The following ITGA2 variants were observed in gnomAD, a reference collection of about 807,000 sequenced individuals.
ITGA2 encodes integrin subunit alpha 2.
Under a neutral mutation model 146.3 loss-of-function variants are expected in ITGA2, and 101 were observed. The observed-to-expected ratio is 0.69, with a 90% CI of 0.59 to 0.81. ITGA2 has a LOEUF of 0.81. Among genes scored for constraint, ITGA2 ranks in the 40% least tolerant of loss-of-function variants. ITGA2 has a pLI of 0.00. For synonymous variants in ITGA2, 477 were observed against 487.1 expected, an observed-to-expected ratio of 0.98 and a Z score of 0.27; for missense variants, 1,281 against 1,402.7, an observed-to-expected ratio of 0.91 and a Z score of 1.39.
At chr5:52,998,114 G>A (rs1404012153) in intron 1 of ITGA2, among the ~76,000 whole-genome samples, 1 of 152,002 alleles carries the variant, frequency 6.6e-6, no homozygotes, top group South Asian at 2.1e-4. Context: ...TAATATATTA[G>A]TGTCATTTTA....
At chr5:53,074,136 G>GA (rs995312148) in intron 20 of ITGA2, among the ~76,000 whole-genome samples, 2 of 151,682 alleles carry the variant, frequency 1.3e-5, no homozygotes, top group South Asian at 2.1e-4. Flanking sequence ...TTTTTCTGGG[G>GA]AAAAAATACA....
chr5:53,062,647 T>G (rs1333586216), intron 12 of ITGA2, 139 bp from the exon 13 acceptor site: 37 of 849,176 alleles, frequency 4.4e-5, no homozygotes, highest in Non-Finnish European at 6.6e-5. Context: ...AACTGTGCTC[T>G]CTGTCTTCAT....
At chr5:53,056,192 T>G in intron 9 of ITGA2, 43 bp downstream of exon 9, 1 of 1,556,810 alleles carries the variant, frequency 6.4e-7, no homozygotes, top group Non-Finnish European at 8.8e-7. Flanking sequence ...TTCAAAATGT[T>G]TAAATAATTG....
At chr5:53,002,207 A>T (rs1741618204) in intron 1 of ITGA2, among the ~76,000 whole-genome samples, 1 of 152,070 alleles carries the variant, frequency 6.6e-6, no homozygotes, top group South Asian at 2.1e-4. Context: ...AACATTTTTG[A>T]CCAATAAATT....
Position 53,055,614 on chromosome 5 carries a change from T to C in ITGA2, c.856T>C (p.Ser286Pro). The C allele has an allele frequency of 1.9e-6, 3 of 1,613,258 alleles. No individual in the cohort carries two copies. Among genetic ancestry groups the C allele is most frequent in the Non-Finnish European group, 2.5e-6 (3 of 1,179,366 alleles). The change falls in exon 8 of 30, where the codon TCA becomes CCA. Residue 286 changes from serine to proline, a missense_variant. Ser to Pro is a moderately conservative substitution (Grantham distance 74). Transcript: ENST00000296585. ...AATGGTAGTTGTAACTGACGGTGAA[T>C]CACATGATGGTTCAATGTTGAAAGC... ...KVMVVVTDGE[S>P]HDGSMLKAVI...
At chr5:53,023,603 C>A (rs1419477641) in intron 1 of ITGA2, among the ~76,000 whole-genome samples, 1 of 152,028 alleles carries the variant, frequency 6.6e-6, no homozygotes, top group Non-Finnish European at 1.5e-5. Context: ...ACGCCTGGTA[C>A]AAAGGAGCTG....
At chr5:53,062,330 A>G (rs576143877) in intron 12 of ITGA2, among the ~76,000 whole-genome samples, 2 of 151,872 alleles carry the variant, frequency 1.3e-5, no homozygotes, top group South Asian at 2.1e-4. Flanking sequence ...CTCTATTACA[A>G]TTTATTTTAC....
At chr5:53,056,346 A>C (rs778810055) in intron 9 of ITGA2, among the ~76,000 whole-genome samples, 197 bp downstream of exon 9, 5 of 152,072 alleles carry the variant, frequency 3.3e-5, no homozygotes, top group Non-Finnish European at 7.4e-5. Context: ...AAACATAAGA[A>C]AATATTCCCA....
At chr5:52,989,793 C>A (rs1043538052) in intron 1 of ITGA2, among the ~76,000 whole-genome samples, 1 of 149,122 alleles carries the variant, frequency 6.7e-6, no homozygotes. Context: ...TCAGTGAGTG[C>A]TTTGTTTTAG....
In ITGA2 at chr5:53,004,744, GC is replaced by G. The variant is rs532566392; in HGVS notation, c.64+15213del. Among the ~76,000 whole-genome samples, 4 of 151,832 alleles carry G rather than the reference GC, an allele frequency of 2.6e-5. No individual in the cohort carries two copies. The East Asian group carries it at 7.8e-4, about 30-fold the overall frequency. On this transcript the variant is annotated intron_variant, in intron 1 of 29. Coordinates refer to ENST00000296585, the MANE Select transcript of ITGA2 (RefSeq NM_002203.4). The stretch of plus-strand genomic sequence containing the variant: ...AATGTTATGCCACTGCATTCCAAAA[GC>G]AGTTGTAAGGGTCCTTTTGTGCTTT...
intron 1 of ITGA2, among the ~76,000 whole-genome samples, chr5:52,999,459 G>C (rs1422602097): frequency 6.6e-6 from 1 of 151,984 alleles, no homozygotes; most frequent in Admixed American, 6.6e-5. Context: ...CACGGATGCT[G>C]CCACAAGACA....
chr5:53,066,001 A>T, intron 15 of ITGA2, 24 bp downstream of exon 15: 8 of 1,609,602 alleles, frequency 5.0e-6, no homozygotes, highest in Non-Finnish European at 6.8e-6. Context: ...AGCCAGACAC[A>T]AACTAACTAA....
Position 53,065,038 on chromosome 5 carries a change from C to A in ITGA2, c.1729C>A (p.Pro577Thr). ...CTTTAATGATGTGATTGTTGGTTCA[C>A]CACTAGAAAATCAGAATTCTGGAGC... Reference protein sequence around the residue: ...DGFNDVIVGSPLENQNSGAVY... With the variant: ...DGFNDVIVGSTLENQNSGAVY... The change falls in exon 14 of 30, where the codon CCA (proline) becomes ACA (threonine). Residue 577 changes from proline (P) to threonine (T), a missense_variant. By Grantham distance (38) the Pro-to-Thr change is conservative. This residue lies in a region of ITGA2 where 795 missense variants were observed against 841.7 expected (regional missense o/e 0.94). Transcript: ENST00000296585. 3.7e-6 allele frequency: 6 copies of A among 1,612,812 alleles called. No homozygotes were observed. The highest frequency in any genetic ancestry group is 5.1e-6 in the Non-Finnish European group (6 of 1,179,178).
rs139184769 is a variant in ITGA2 at position 53,086,030 on chromosome 5, G to A, written c.3259-922G>A. On this transcript the variant is annotated intron_variant, in intron 27 of 29. Transcript: ENST00000296585. Reference sequence around the variant, plus strand: ...TTCAAGTGATTCTCCTGCCTCAGCCGAGTCGCTGGGATTACAGGTGCCCAC... The same window carrying A: ...TTCAAGTGATTCTCCTGCCTCAGCCAAGTCGCTGGGATTACAGGTGCCCAC... Among the ~76,000 whole-genome samples the A allele has an allele frequency of 1.2e-3, 184 of 151,956 alleles. 1 individual carries two copies. The South Asian group carries it at 0.027, about 22-fold the overall frequency.
rs539237953 is a variant in ITGA2, at chr5:53,018,972, G to C, written c.65-7776G>C. 6.6e-5 allele frequency among the ~76,000 whole-genome samples: 10 copies of C among 152,208 alleles called. No individual in the cohort carries two copies. The South Asian group carries it at 2.1e-3, about 32-fold the overall frequency. ...CCAGCTACTCAGGAGGCTGAGATAT[G>C]AGAATTGCTTGAACCCGGGAGGCGG... On this transcript the variant is annotated intron_variant, in intron 1 of 29. Coordinates refer to ENST00000296585, the MANE Select transcript of ITGA2 (RefSeq NM_002203.4).
chr5:52,992,925 C>A (rs1741048439), intron 1 of ITGA2, among the ~76,000 whole-genome samples: 1 of 152,100 alleles, frequency 6.6e-6, no homozygotes, highest in Non-Finnish European at 1.5e-5. Context: ...CATGCCCACA[C>A]ATGTACACAC....
chr5:53,080,543 A>G lies in ITGA2; in HGVS notation c.2961A>G (p.Ala987=). The part of the protein sequence containing the change: ...VTTGSVPVSM[A]TVIIHIPQYT... ...CAGGAAGTGTTCCAGTAAGCATGGC[A>G]ACTGTAATCATCCACATCCCTCAGT... is the stretch of plus-strand genomic sequence containing the variant. Residue 987 remains alanine, a synonymous_variant, in exon 25 of 30, where the codon GCA becomes GCG. Transcript: ENST00000296585. 1 of 1,613,684 alleles carries G rather than the reference A, an allele frequency of 6.2e-7. No homozygotes were observed. The highest frequency in any genetic ancestry group is 8.5e-7 in the Non-Finnish European group (1 of 1,179,702).
intron 1 of ITGA2, among the ~76,000 whole-genome samples, chr5:53,000,821 T>A (rs1319031925): frequency 2.0e-5 from 3 of 151,932 alleles, no homozygotes; most frequent in Non-Finnish European, 4.4e-5. Context: ...TTAGAAAAAA[T>A]TATTTGACAA....
intron 1 of ITGA2, among the ~76,000 whole-genome samples, chr5:53,005,952 T>G (rs1741826670): frequency 6.6e-6 from 1 of 151,908 alleles, no homozygotes; most frequent in Non-Finnish European, 1.5e-5. Context: ...CATCACAAAC[T>G]AACACAGAAA....
Sources: gnomAD v4.1 joint callset for allele counts (sites outside exome capture counted in the v4.1 genomes callset) on GRCh38, gnomAD v4.1.1 for gene constraint, gnomAD v4.1.1 regional missense constraint, MANE v1.5 for transcripts, NCBI Gene and HGNC (gene_info 2026-07-23, HGNC 2026-07-21) for gene names.